The following NUAK2 variants were observed in gnomAD, a reference collection of about 807,000 sequenced individuals.
The protein encoded by NUAK2 is NUAK family SNF1-like kinase 2.
NUAK2 carries 20 observed loss-of-function variants against 29.8 expected under a neutral mutation model. The observed-to-expected ratio is 0.67, with a 90% CI of 0.47 to 0.98. The LOEUF (loss-of-function observed/expected upper bound fraction) is 0.98, where lower values mean the gene tolerates loss of function less well. Ranked by LOEUF, NUAK2 falls within the 50% of genes least tolerant of loss-of-function variation. The pLI, the probability that NUAK2 is intolerant of heterozygous loss-of-function variation, is 0.00. For missense variants in NUAK2, 719 were observed against 834.5 expected (o/e 0.86, Z 1.71); for synonymous variants, 331 against 342.6 (o/e 0.97, Z 0.37).
chr1:205,305,060 G>T, intron 6 of NUAK2, 139 bp downstream of exon 6: 1 of 1,037,076 alleles, frequency 9.6e-7, no homozygotes. Context: ...TTGGACATAC[G>T]GTGGAGGGTA....
rs373396807 is a variant in NUAK2 at position 205,303,551 on chromosome 1, G to T, written c.1786C>A (p.Arg596=). Reference sequence around the variant, plus strand: ...CAGCTGTCCCCCAAAGGATCCTGCCGCCAGCGCCTCAGGCAGCTTCCAGGG... The same window carrying T: ...CAGCTGTCCCCCAAAGGATCCTGCCTCCAGCGCCTCAGGCAGCTTCCAGGG... ...EGPGSCLRRW[R]QDPLGDSCFS... is the part of the protein sequence containing the mutation. The change falls in exon 7 of 7, where the codon CGG becomes AGG. Residue 596 remains arginine, a synonymous_variant. Coordinates refer to ENST00000367157, the MANE Select transcript of NUAK2 (RefSeq NM_030952.3). 1 of 1,613,590 alleles carries T rather than the reference G, an allele frequency of 6.2e-7. No individual in the cohort carries two copies. The highest frequency in any genetic ancestry group is 8.5e-7 in the Non-Finnish European group (1 of 1,179,952).
rs1414705892 is a variant in NUAK2 at position 205,308,134 on chromosome 1, G to A, written c.570+31C>T. ...GTGCAGAAAAGCTGGGGTGGGCAAG[G>A]AGGCTTCTAGAAATAAGAAGTGGGA... On this transcript the variant is annotated intron_variant, in intron 4 of 6. Transcript: ENST00000367157. This position sits in a 1 kb window ranked among gnomAD's most constrained non-coding sequence, Gnocchi z 4.1. 1 of 1,494,082 alleles carries A rather than the reference G, an allele frequency of 6.7e-7. No individual in the cohort carries two copies. The highest frequency in any genetic ancestry group is 9.3e-7 in the Non-Finnish European group (1 of 1,076,366). The allele number at this position is 1,494,082 out of a possible 1,614,324, so 92.6% of individuals were successfully genotyped here.
At chr1:205,314,195 A>G (rs1191679864) in intron 1 of NUAK2, among the ~76,000 whole-genome samples, 2 of 152,168 alleles carry the variant, frequency 1.3e-5, no homozygotes, top group Non-Finnish European at 2.9e-5. Flanking sequence ...CGGGCCAGGG[A>G]TGGCGTGCCC....
At chr1:205,306,455 T>G in intron 4 of NUAK2, 148 bp from the exon 5 acceptor site, 2 of 1,025,076 alleles carry the variant, frequency 2.0e-6, no homozygotes, top group Non-Finnish European at 2.8e-6. Flanking sequence ...CACTGAGCAC[T>G]GTCAGCATAG....
Position 205,303,751 on chromosome 1 carries a change from G to C in NUAK2, c.1586C>G (p.Pro529Arg). 6.5e-7 allele frequency: 1 copy of C among 1,544,518 alleles called. No homozygotes were observed. Among genetic ancestry groups the C allele is most frequent in the East Asian group, 2.3e-5 (1 of 44,368 alleles). Residue 529 changes from proline (P) to arginine (R), a missense_variant, in exon 7 of 7, where the codon CCA becomes CGA. Transcript: ENST00000367157. ...GCTGGCCCGGGCCAGGGGGCGAGGT[G>C]GGGCGAGTTCATCCAGGGAGCCGAA... ...TTFGSLDELA[P>R]PRPLARASRP...
chr1:205,321,662 A>G lies in NUAK2; in HGVS notation c.-34T>C, dbSNP rs770413616. The G allele has an allele frequency of 6.3e-7, 1 of 1,575,134 alleles. No homozygotes were observed. Reference sequence around the variant, plus strand: ...GGAGGTGAGCAAGGGCGGCAGGGGAATCAGTAGGCTGTGCGGGGAGGGCTG... The same window carrying G: ...GGAGGTGAGCAAGGGCGGCAGGGGAGTCAGTAGGCTGTGCGGGGAGGGCTG... On this transcript the variant is annotated 5_prime_UTR_variant, in exon 1 of 7. Coordinates refer to ENST00000367157, the MANE Select transcript of NUAK2 (RefSeq NM_030952.3).
intron 1 of NUAK2, among the ~76,000 whole-genome samples, chr1:205,320,996 A>G (rs1662407441): frequency 6.6e-6 from 1 of 152,120 alleles, no homozygotes; most frequent in Non-Finnish European, 1.5e-5. Flanking sequence ...TATTTACCAA[A>G]TACCTATTAA....
Position 205,308,265 on chromosome 1 carries a change from C to G in NUAK2, c.505-35G>C. The G allele has an allele frequency of 2.7e-6, 4 of 1,507,070 alleles. 1 individual carries two copies. In the South Asian group the frequency reaches 3.6e-5, roughly 14 times the overall value. The allele number at this position is 1,507,070 out of a possible 1,614,324, so 93.4% of individuals were successfully genotyped here. ...GGAGAGGGCAGTCACGGGAAGGTCA[C>G]CAGGGAAGGGAAGATGATGAGGGGC... On this transcript the variant is annotated intron_variant, in intron 3 of 6. Transcript: ENST00000367157. This position sits in a 1 kb window ranked among gnomAD's most constrained non-coding sequence, Gnocchi z 4.1.
At position 205,308,446 on chromosome 1, in the gene NUAK2, T is replaced by C; in HGVS notation, c.504+135A>G. 1 of 1,013,434 alleles carries C rather than the reference T, an allele frequency of 9.9e-7. No homozygotes were observed. The highest frequency in any genetic ancestry group is 1.5e-6 in the Non-Finnish European group (1 of 677,036). The allele number at this position is 1,013,434 out of a possible 1,614,324, so 62.8% of individuals were successfully genotyped here. A position where few individuals can be genotyped will look rare whatever the true frequency, so the allele number is the denominator to read the frequency against. Reference sequence around the variant, plus strand: ...AAAGTCAGAGACACTGACATTTCCCTGAGAGTCCAGAATCTAGTTTTGCCT... The same window carrying C: ...AAAGTCAGAGACACTGACATTTCCCCGAGAGTCCAGAATCTAGTTTTGCCT... On this transcript the variant is annotated intron_variant, in intron 3 of 6. Coordinates refer to ENST00000367157, the MANE Select transcript of NUAK2 (RefSeq NM_030952.3). This position sits in a 1 kb window ranked among gnomAD's most constrained non-coding sequence, Gnocchi z 4.1.
intron 1 of NUAK2, 135 bp from the exon 2 acceptor site, chr1:205,311,960 AGTGTAG>A: frequency 2.6e-6 from 3 of 1,137,242 alleles, no homozygotes; most frequent in Non-Finnish European, 3.8e-6. Flanking sequence ...ATCCTTCACC[AGTGTAG>A]GTGGCAGAGA....
Position 205,321,531 on chromosome 1 carries a change from G to A in NUAK2, c.98C>T (p.Pro33Leu). The A allele has an allele frequency of 6.2e-7, 1 of 1,613,956 alleles. No homozygotes were observed. Among genetic ancestry groups the A allele is most frequent in the East Asian group, 2.2e-5 (1 of 44,864 alleles). ...CTTCACCGCCTGCTTCTTCATTAGG[G>A]GCTTGGGCGACTTGATCAGCCCTTC... is the stretch of plus-strand genomic sequence containing the variant. ...LAEGLIKSPKPLMKKQAVKRH... is the reference protein window; with the variant it reads ...LAEGLIKSPKLLMKKQAVKRH... Residue 33 changes from proline (P) to leucine (L), a missense_variant, in exon 1 of 7, where the codon CCC (proline) becomes CTC (leucine). Coordinates refer to ENST00000367157, the MANE Select transcript of NUAK2 (RefSeq NM_030952.3).
At position 205,308,030 on chromosome 1, in the gene NUAK2, T is replaced by C; in HGVS notation, c.570+135A>G. The stretch of plus-strand genomic sequence containing the variant: ...TGGAATGGATGATGGCTGAGGTCCC[T>C]ACCAGTACCAATGAAGGTCAGCCTT... On this transcript the variant is annotated intron_variant, in intron 4 of 6. Coordinates refer to ENST00000367157, the MANE Select transcript of NUAK2 (RefSeq NM_030952.3). This position sits in a 1 kb window ranked among gnomAD's most constrained non-coding sequence, Gnocchi z 4.1. The C allele has an allele frequency of 3.1e-6, 2 of 655,282 alleles. No individual in the cohort carries two copies. Among genetic ancestry groups the C allele is most frequent in the Admixed American group, 5.4e-5 (2 of 36,762 alleles). The allele number at this position is 655,282 out of a possible 1,614,324, so 40.6% of individuals were successfully genotyped here.
intron 1 of NUAK2, among the ~76,000 whole-genome samples, chr1:205,315,003 C>G (rs1328516786): frequency 6.6e-6 from 1 of 152,262 alleles, no homozygotes; most frequent in East Asian, 1.9e-4. Flanking sequence ...CTCCAGAAGC[C>G]CATGATTCTA....
chr1:205,320,804 T>C (rs1250772994), intron 1 of NUAK2, among the ~76,000 whole-genome samples: 1 of 152,182 alleles, frequency 6.6e-6, no homozygotes, highest in Non-Finnish European at 1.5e-5. Context: ...TCTGGTACAG[T>C]GGACCTGGTT....
At chr1:205,312,848 C>T (rs1040735473) in intron 1 of NUAK2, among the ~76,000 whole-genome samples, 8 of 152,002 alleles carry the variant, frequency 5.3e-5, no homozygotes, top group Non-Finnish European at 8.8e-5. Flanking sequence ...ACATGTGGTA[C>T]GTCCATAGGA....
chr1:205,304,134 C>G lies in NUAK2; in HGVS notation c.1203G>C (p.Lys401Asn). 1 of 1,614,188 alleles carries G rather than the reference C, an allele frequency of 6.2e-7. No homozygotes were observed. The highest frequency in any genetic ancestry group is 1.3e-5 in the African/African-American group (1 of 75,054). The change falls in exon 7 of 7, where the codon AAG (lysine) becomes AAC (asparagine). Residue 401 changes from lysine to asparagine, a missense_variant. Lys to Asn is a moderately conservative substitution (Grantham distance 94, BLOSUM62 0). This residue lies in a region of NUAK2 where 430 missense variants were observed against 465.7 expected (regional missense o/e 0.92). Coordinates refer to ENST00000367157, the MANE Select transcript of NUAK2 (RefSeq NM_030952.3). The surrounding 1 kb of genome is among the most constrained non-coding windows in gnomAD (Gnocchi z 6.5). ...TADDTAHRPG[K>N]SNLKLPKGIL... ...TGCCCTTTGGCAGCTTGAGGTTGCT[C>G]TTGCCAGGGCGATGGGCAGTGTCAT...
At position 205,310,018 on chromosome 1, in the gene NUAK2, C is replaced by G. The variant is rs115061501; in HGVS notation, c.353-1286G>C. Among the ~76,000 whole-genome samples the G allele has an allele frequency of 1.8e-3, 269 of 152,310 alleles. 1 individual carries two copies. Among genetic ancestry groups the G allele is most frequent in the African/African-American group, 6.1e-3 (253 of 41,562 alleles). ...GGTGTGTATTAGAACATGTATGTCC[C>G]TGACATTGCATCTTTGTGTCAAACG... On this transcript the variant is annotated intron_variant, in intron 2 of 6. Transcript: ENST00000367157.
In NUAK2 at chr1:205,303,469, A is replaced by C. The variant is rs759555031; in HGVS notation, c.1868T>G (p.Val623Gly). The C allele has an allele frequency of 8.8e-6, 14 of 1,592,892 alleles. No individual in the cohort carries two copies. The Admixed American group carries it at 1.6e-4, about 18-fold the overall frequency. ...CTCCACTCAGGTGAGCTTTGAGCAGACCCTCAGTGCCTGTCGGTAGGTCGC... is the reference window on the plus strand; with the variant it reads ...CTCCACTCAGGTGAGCTTTGAGCAGCCCCTCAGTGCCTGTCGGTAGGTCGC... ...VTATYRQALR[V>G]CSKLT is the part of the protein sequence containing the mutation. Residue 623 changes from valine (V) to glycine (G), a missense_variant, in exon 7 of 7, where the codon GTC becomes GGC. Val to Gly is a moderately radical substitution (Grantham distance 109, BLOSUM62 -3). This residue lies in a region of NUAK2 where 430 missense variants were observed against 465.7 expected (regional missense o/e 0.92). Coordinates refer to ENST00000367157, the MANE Select transcript of NUAK2 (RefSeq NM_030952.3).
At chr1:205,314,110 C>G (rs900067473) in intron 1 of NUAK2, among the ~76,000 whole-genome samples, 2 of 152,234 alleles carry the variant, frequency 1.3e-5, no homozygotes, top group Non-Finnish European at 2.9e-5. Flanking sequence ...TGTTCTCCAT[C>G]GGACAAGAAT....
Sources: gnomAD v4.1 joint callset for allele counts (sites outside exome capture counted in the v4.1 genomes callset) on GRCh38, gnomAD v4.1.1 for gene constraint, gnomAD v4.1.1 regional missense constraint, Gnocchi (gnomAD v3.1) non-coding constraint, MANE v1.5 for transcripts, NCBI Gene and HGNC (gene_info 2026-07-23, HGNC 2026-07-21) for gene names.